TRAPPC9: variants seen among roughly 807,000 people sequenced by gnomAD.
TRAPPC9 encodes the protein trafficking protein particle complex subunit 9, also known as IKK2 binding protein.
In TRAPPC9, 83 loss-of-function variants were observed where a neutral mutation model predicts 124.0. The ratio of observed to expected loss-of-function variants is 0.67; its 90% CI spans 0.56 to 0.80. TRAPPC9 has a LOEUF of 0.80. Among genes scored for constraint, TRAPPC9 ranks in the 30% least tolerant of loss-of-function variants. The pLI, the probability that TRAPPC9 is intolerant of heterozygous loss-of-function variation, is 0.00. For synonymous variants in TRAPPC9, 638 were observed against 617.5 expected (o/e 1.03, Z -0.49); for missense variants, 1,302 against 1,508.3 (o/e 0.86, Z 2.27).
intron 16 of TRAPPC9, among the ~76,000 whole-genome samples, chr8:140,242,096 G>C (rs1047148496): frequency 2.0e-5 from 3 of 151,946 alleles, no homozygotes; most frequent in Admixed American, 6.6e-5. Flanking sequence ...ACAAAGGCCA[G>C]GGTACGGCAT....
intron 15 of TRAPPC9, among the ~76,000 whole-genome samples, chr8:140,263,654 C>T (rs72688871): frequency 0.11 from 17,427 of 152,146 alleles, 1,160 homozygotes; most frequent in Admixed American, 0.18. Context: ...CCAGAAGAGC[C>T]ATGGAGTGCC....
intron 17 of TRAPPC9, among the ~76,000 whole-genome samples, chr8:140,146,381 G>C (rs1563796105): frequency 6.6e-6 from 1 of 152,356 alleles, no homozygotes; most frequent in East Asian, 1.9e-4. Context: ...TGCCCACTCA[G>C]AATAGGTTCC....
intron 19 of TRAPPC9, among the ~76,000 whole-genome samples, chr8:139,958,789 CT>C (rs1388814984): frequency 6.6e-6 from 1 of 152,238 alleles, no homozygotes; most frequent in Non-Finnish European, 1.5e-5. Context: ...GTGCCTTTTC[CT>C]TTCCACAAGG....
At chr8:140,272,105 G>C (rs796442580) in intron 15 of TRAPPC9, among the ~76,000 whole-genome samples, 1 of 75,228 alleles carries the variant, frequency 1.3e-5, no homozygotes, top group East Asian at 2.7e-4. Flanking sequence ...TGAGGTGATT[G>C]TGGTGGTGGC....
intron 3 of TRAPPC9, among the ~76,000 whole-genome samples, chr8:140,436,650 C>G (rs2070824928): frequency 6.6e-6 from 1 of 152,140 alleles, no homozygotes; most frequent in African/African-American, 2.4e-5. Flanking sequence ...CTTTAGGAGC[C>G]CTCCTCATCC....
intron 17 of TRAPPC9, among the ~76,000 whole-genome samples, chr8:140,160,738 T>C (rs1018980297): frequency 1.3e-5 from 2 of 152,038 alleles, no homozygotes; most frequent in African/African-American, 4.8e-5. Flanking sequence ...GGCACATGTA[T>C]ACCTATGTAA....
At chr8:139,956,911 G>T (rs370685577) in intron 19 of TRAPPC9, among the ~76,000 whole-genome samples, 1 of 152,244 alleles carries the variant, frequency 6.6e-6, no homozygotes, top group African/African-American at 2.4e-5. Context: ...AATCTGATGG[G>T]ATTTCAGGAG....
chr8:140,194,861 C>T (rs2062599358), intron 17 of TRAPPC9, among the ~76,000 whole-genome samples: 2 of 152,002 alleles, frequency 1.3e-5, no homozygotes, highest in Non-Finnish European at 2.9e-5. Context: ...CACTCAAAGA[C>T]CCACCATACA....
intron 9 of TRAPPC9, among the ~76,000 whole-genome samples, chr8:140,314,093 T>C (rs996628738): frequency 4.6e-5 from 7 of 152,226 alleles, no homozygotes; most frequent in African/African-American, 1.7e-4. Context: ...AGAATTTGTT[T>C]ATAAGGAAGG....
intron 11 of TRAPPC9, among the ~76,000 whole-genome samples, chr8:140,294,585 G>A (rs1314247869): frequency 6.6e-6 from 1 of 151,780 alleles, no homozygotes; most frequent in African/African-American, 2.4e-5. Flanking sequence ...ATAAACTGTT[G>A]ATTACATAAA....
chr8:140,403,984 CTCAAG>C (rs1274904952), intron 6 of TRAPPC9, among the ~76,000 whole-genome samples: 1 of 151,994 alleles, frequency 6.6e-6, no homozygotes, highest in African/African-American at 2.4e-5. Flanking sequence ...TACTCTTTAA[CTCAAG>C]TCAACTTCTA....
At chr8:140,060,716 G>C (rs1210545628) in intron 17 of TRAPPC9, among the ~76,000 whole-genome samples, 1 of 152,126 alleles carries the variant, frequency 6.6e-6, no homozygotes, top group Non-Finnish European at 1.5e-5. Flanking sequence ...TTATTTCTGG[G>C]GGGAGGAAGG....
intron 7 of TRAPPC9, among the ~76,000 whole-genome samples, chr8:140,389,732 C>G (rs1178005324): frequency 6.6e-6 from 1 of 151,318 alleles, no homozygotes; most frequent in African/African-American, 2.4e-5. Context: ...TTTCTAAAAG[C>G]AATAAGTGTC....
chr8:139,752,481 T>C (rs1359873976), intron 21 of TRAPPC9, among the ~76,000 whole-genome samples: 2 of 146,012 alleles, frequency 1.4e-5, no homozygotes, highest in East Asian at 4.4e-4. Context: ...CTATCCAACA[T>C]CTACCCATGT....
intron 11 of TRAPPC9, among the ~76,000 whole-genome samples, chr8:140,296,545 CGTGG>C (rs1563924825): frequency 6.6e-6 from 1 of 152,314 alleles, no homozygotes; most frequent in Middle Eastern, 3.4e-3. Context: ...GGATTACAGG[CGTGG>C]GCCACCACAC....
chr8:140,001,383 T>C (rs1004141174), intron 18 of TRAPPC9, among the ~76,000 whole-genome samples: 22 of 150,684 alleles, frequency 1.5e-4, no homozygotes, highest in Admixed American at 3.3e-4. Context: ...GAACTTAAAG[T>C]ATAATAATAA....
intron 17 of TRAPPC9, among the ~76,000 whole-genome samples, chr8:140,106,242 C>G (rs1243856810): frequency 6.6e-6 from 1 of 152,122 alleles, no homozygotes; most frequent in Non-Finnish European, 1.5e-5. Context: ...GGCCCCGGGT[C>G]CCAAAGAATC....
intron 7 of TRAPPC9, among the ~76,000 whole-genome samples, chr8:140,385,354 C>T (rs1178115381): frequency 1.3e-5 from 2 of 152,024 alleles, no homozygotes; most frequent in Non-Finnish European, 2.9e-5. Context: ...ACACAAAAAA[C>T]CTTTAAAAAT....
chr8:140,152,232 C>A (rs1464362989), intron 17 of TRAPPC9, among the ~76,000 whole-genome samples: 51 of 92,432 alleles, frequency 5.5e-4, no homozygotes, highest in Non-Finnish European at 8.3e-4. Flanking sequence ...GGAACTTAAG[C>A]TTTAAAAAAA....
Sources: gnomAD v4.1 joint callset for allele counts (sites outside exome capture counted in the v4.1 genomes callset) on GRCh38, gnomAD v4.1.1 for gene constraint, MANE v1.5 for transcripts, NCBI Gene and HGNC (gene_info 2026-07-23, HGNC 2026-07-21) for gene names.